Variants in RERE observed in about 807,000 individuals in gnomAD.
RERE encodes the protein arginine-glutamic acid dipeptide repeats protein.
Under a neutral mutation model 146.1 loss-of-function variants are expected in RERE, and 40 were observed. That is an observed-to-expected ratio of 0.27 (90% CI 0.21 to 0.36). The LOEUF (loss-of-function observed/expected upper bound fraction) is 0.36. RERE is among the 10% of genes least tolerant of loss of function. The pLI is 1.00. For missense variants in RERE, 1,933 were observed against 2,138.7 expected, an observed-to-expected ratio of 0.90 and a Z score of 1.90; for synonymous variants, 1,003 against 866.0, an observed-to-expected ratio of 1.16 and a Z score of -2.78.
intron 12 of RERE, among the ~76,000 whole-genome samples, chr1:8,402,291 G>A (rs896067934): frequency 3.9e-5 from 6 of 152,130 alleles, no homozygotes; most frequent in African/African-American, 1.2e-4. Flanking sequence ...CATCCCAGTC[G>A]AGCTCAGCCT....
intron 12 of RERE, among the ~76,000 whole-genome samples, chr1:8,367,220 C>T (rs1209205306): frequency 1.3e-5 from 2 of 152,170 alleles, no homozygotes; most frequent in East Asian, 3.9e-4. Context: ...GACAAACTCA[C>T]CCATCAGACC....
intron 1 of RERE, among the ~76,000 whole-genome samples, chr1:8,706,240 G>T (rs906232286): frequency 6.6e-6 from 1 of 151,772 alleles, no homozygotes; most frequent in Non-Finnish European, 1.5e-5. Context: ...GATCCTTTGA[G>T]CCTAGGAGTT....
chr1:8,594,532 A>C (rs1211236522), intron 4 of RERE, among the ~76,000 whole-genome samples: 1 of 152,216 alleles, frequency 6.6e-6, no homozygotes, highest in South Asian at 2.1e-4. Context: ...AACCACAGAC[A>C]ATTTTTATAA....
intron 1 of RERE, among the ~76,000 whole-genome samples, chr1:8,684,723 G>A (rs1377223123): frequency 6.6e-6 from 1 of 152,220 alleles, no homozygotes; most frequent in East Asian, 1.9e-4. Flanking sequence ...CTCCCTATGA[G>A]AAGCCTTCCT....
intron 4 of RERE, among the ~76,000 whole-genome samples, chr1:8,591,802 A>C (rs1221627041): frequency 1.3e-5 from 2 of 152,214 alleles, no homozygotes; most frequent in African/African-American, 4.8e-5. Flanking sequence ...TTACTATGCC[A>C]AATGCACTGC....
intron 10 of RERE, among the ~76,000 whole-genome samples, chr1:8,466,538 C>G (rs752558316): frequency 2.6e-5 from 4 of 152,168 alleles, no homozygotes; most frequent in Non-Finnish European, 5.9e-5. Context: ...ACTCTTGCCT[C>G]ATTCTCCGCA....
chr1:8,791,863 G>A (rs1351429569), intron 1 of RERE, among the ~76,000 whole-genome samples: 1 of 152,162 alleles, frequency 6.6e-6, no homozygotes, highest in African/African-American at 2.4e-5. Context: ...AAACTTGTCA[G>A]AAACCATTTA....
intron 12 of RERE, among the ~76,000 whole-genome samples, chr1:8,414,126 C>T (rs886668836): frequency 6.6e-6 from 1 of 151,712 alleles, no homozygotes; most frequent in African/African-American, 2.4e-5. Context: ...CCACCTGGCC[C>T]CTTCACTAGG....
intron 1 of RERE, among the ~76,000 whole-genome samples, chr1:8,711,825 T>C (rs1453733152): frequency 6.6e-6 from 1 of 152,240 alleles, no homozygotes; most frequent in East Asian, 1.9e-4. Context: ...CAGATAATTG[T>C]ATGACTTATT....
chr1:8,472,602 T>TA (rs1439160165), intron 10 of RERE, among the ~76,000 whole-genome samples: 2 of 152,262 alleles, frequency 1.3e-5, no homozygotes, highest in Non-Finnish European at 1.5e-5. Flanking sequence ...GTCAGGCTGG[T>TA]AAAATCTGGG....
chr1:8,450,457 A>C (rs998081052), intron 11 of RERE, among the ~76,000 whole-genome samples: 6 of 151,544 alleles, frequency 4.0e-5, no homozygotes, highest in African/African-American at 1.5e-4. Context: ...CTTCCTTCCC[A>C]GCCCTTCCTG....
At chr1:8,708,214 G>A (rs1445000615) in intron 1 of RERE, among the ~76,000 whole-genome samples, 3 of 152,132 alleles carry the variant, frequency 2.0e-5, no homozygotes, top group East Asian at 1.9e-4. Context: ...GGAAGGACCC[G>A]GTTGGAGATA....
chr1:8,738,876 A>C (rs1161467078), intron 1 of RERE, among the ~76,000 whole-genome samples: 2 of 152,238 alleles, frequency 1.3e-5, no homozygotes, highest in East Asian at 3.9e-4. Context: ...GGCAATCTCC[A>C]ATCCAGGTCT....
At position 8,400,149 on chromosome 1, in the gene RERE, A is replaced by C. The variant is rs186563367; in HGVS notation, c.1284+22578T>G. ...ATATTTTCATTTGCTCCACTAATTAAGTGTCTACATTTTTAATATAAATAT... is the reference window on the plus strand; with the variant it reads ...ATATTTTCATTTGCTCCACTAATTACGTGTCTACATTTTTAATATAAATAT... On this transcript the variant is annotated intron_variant, in intron 12 of 22. Coordinates refer to ENST00000400908, the MANE Select transcript of RERE (RefSeq NM_001042681.2). Among the ~76,000 whole-genome samples the C allele has an allele frequency of 1.8e-3, 272 of 151,094 alleles. 2 individuals carry two copies. The highest frequency in any genetic ancestry group is 0.017 in the Middle Eastern group (5 of 288).
At chr1:8,622,463 C>A (rs1646926257) in intron 3 of RERE, among the ~76,000 whole-genome samples, 1 of 115,614 alleles carries the variant, frequency 8.6e-6, no homozygotes, top group Non-Finnish European at 1.6e-5. Context: ...ACCCGTATTT[C>A]AGGTGTCAGT....
At chr1:8,395,976 CT>C (rs892280062) in intron 12 of RERE, among the ~76,000 whole-genome samples, 6 of 152,156 alleles carry the variant, frequency 3.9e-5, no homozygotes, top group African/African-American at 1.2e-4. Flanking sequence ...GACACCACCC[CT>C]CTCTCTGTGC....
intron 2 of RERE, among the ~76,000 whole-genome samples, chr1:8,651,010 T>C (rs1043161129): frequency 5.3e-5 from 8 of 150,144 alleles, no homozygotes; most frequent in Non-Finnish European, 7.4e-5. Context: ...GGCAGGAGAA[T>C]TGCTTGAACC....
chr1:8,700,484 T>C (rs1487046578), intron 1 of RERE, among the ~76,000 whole-genome samples: 1 of 152,036 alleles, frequency 6.6e-6, no homozygotes, highest in African/African-American at 2.4e-5. Flanking sequence ...ATAAATACTT[T>C]CTAATAACTT....
intron 12 of RERE, among the ~76,000 whole-genome samples, chr1:8,389,260 G>A (rs192923473): frequency 9.2e-5 from 14 of 152,324 alleles, no homozygotes; most frequent in Non-Finnish European, 1.9e-4. Context: ...TCAGGGGTAT[G>A]AAGAATATGT....
Sources: allele counts gnomAD v4.1 joint callset (sites outside exome capture counted in the v4.1 genomes callset), GRCh38; gene constraint gnomAD v4.1.1; transcripts MANE v1.5; gene names NCBI Gene and HGNC (gene_info 2026-07-23, HGNC 2026-07-21).